Variants in ZNF652 observed in about 807,000 individuals in gnomAD.
ZNF652 encodes the protein zinc finger protein 652.
In ZNF652, 16 loss-of-function variants were observed where a neutral mutation model predicts 45.2. The ratio of observed to expected loss-of-function variants is 0.35; its 90% CI spans 0.24 to 0.54. The LOEUF is 0.54. Ranked by LOEUF, ZNF652 falls within the 20% of genes least tolerant of loss-of-function variation. ZNF652 has a pLI of 0.91. For synonymous variants in ZNF652, 250 were observed against 260.6 expected (o/e 0.96, Z 0.39); for missense variants, 614 against 765.6 (o/e 0.80, Z 2.34).
intron 1 of ZNF652, among the ~76,000 whole-genome samples, chr17:49,336,958 T>TG (rs2070091613): frequency 7.9e-6 from 1 of 126,972 alleles, no homozygotes; most frequent in Admixed American, 7.8e-5. Context: ...TTTTTTTTTT[T>TG]TTTTTTTAAG....
intron 5 of ZNF652, among the ~76,000 whole-genome samples, chr17:49,309,157 G>A (rs1240954429): frequency 6.6e-6 from 1 of 151,790 alleles, no homozygotes; most frequent in Non-Finnish European, 1.5e-5. Flanking sequence ...TATGTGCCAA[G>A]CAGTGTGTGT....
downstream of ZNF652, chr17:49,288,254 G>A (rs1002824182): frequency 3.3e-5 from 5 of 152,048 alleles, no homozygotes; most frequent in Admixed American, 6.6e-5. Context: ...TATATACTCA[G>A]GTGGGAGTGA....
intron 1 of ZNF652, among the ~76,000 whole-genome samples, chr17:49,335,215 A>G (rs2070067740): frequency 6.6e-6 from 1 of 152,226 alleles, no homozygotes; most frequent in African/African-American, 2.4e-5. Context: ...AAAATAAATT[A>G]TGATATTTTG....
At chr17:49,324,562 G>A (rs535645399) in intron 1 of ZNF652, among the ~76,000 whole-genome samples, 45 of 150,702 alleles carry the variant, frequency 3.0e-4, no homozygotes, top group African/African-American at 1.0e-3. Context: ...TGCTAATTGT[G>A]TATTTTTAGT....
intron 1 of ZNF652, among the ~76,000 whole-genome samples, chr17:49,351,388 T>C (rs1598317634): frequency 1.3e-5 from 2 of 152,010 alleles, no homozygotes; most frequent in Non-Finnish European, 2.9e-5. Context: ...AAAAAGTGTA[T>C]ACAAGAACAT....
At chr17:49,304,562 G>C (rs1470359422) in intron 5 of ZNF652, among the ~76,000 whole-genome samples, 1 of 152,142 alleles carries the variant, frequency 6.6e-6, no homozygotes, top group East Asian at 1.9e-4. Context: ...CTTTAAGGAA[G>C]AGCTGGTAAA....
rs76683527 is a variant in ZNF652 at position 49,321,093 on chromosome 17, C to A, written c.-258-3110G>T. On this transcript the variant is annotated intron_variant, in intron 1 of 5. Coordinates refer to ENST00000430262, the MANE Select transcript of ZNF652 (RefSeq NM_001145365.3). ...GGGCCCTGTGACTACTTCTGGTCAG[C>A]ATATTATGAGAAGTGACAGAGAGAG... 1.1e-4 allele frequency among the ~76,000 whole-genome samples: 16 copies of A among 152,290 alleles called. No individual in the cohort carries two copies. In the East Asian group the frequency reaches 2.9e-3, roughly 28 times the overall value.
chr17:49,313,973 CAAAAAAAAAAAAAAAAAAAAAAAAAAAAA>C (rs71144595), intron 2 of ZNF652, among the ~76,000 whole-genome samples: 2 of 22,866 alleles, frequency 8.7e-5, no homozygotes, highest in African/African-American at 3.8e-4. Context: ...AACTCCATCT[CAAAAAAAAAAAAAAAAAAAAAAAAAAAAA>C]AAAAAAAAAA....
chr17:49,360,835 T>A (rs551925295), intron 1 of ZNF652, among the ~76,000 whole-genome samples: 2 of 151,834 alleles, frequency 1.3e-5, no homozygotes, highest in South Asian at 4.2e-4. Flanking sequence ...TACAACAAAA[T>A]AGGAGAAACT....
rs1376671441 is a variant in ZNF652 at position 49,317,414 on chromosome 17, C to T, written c.312G>A (p.Glu104=). 3 of 1,614,014 alleles carry T rather than the reference C, an allele frequency of 1.9e-6. No homozygotes were observed. In the East Asian group the frequency reaches 6.7e-5, roughly 36 times the overall value. The change falls in exon 2 of 6, where the codon GAG becomes GAA. Residue 104 remains glutamate, a synonymous_variant. Coordinates refer to ENST00000430262, the MANE Select transcript of ZNF652 (RefSeq NM_001145365.3). Reference sequence around the variant, plus strand: ...TGTAAGAGACTTCTTCCTCTTCCTCCTCTGTGTCATCAGAATTCTCCCGGT... The same window carrying T: ...TGTAAGAGACTTCTTCCTCTTCCTCTTCTGTGTCATCAGAATTCTCCCGGT... ...KEDRENSDDT[E]EEEEEVSYKR... is the part of the protein sequence containing the mutation.
At chr17:49,341,517 A>T (rs2070146512) in intron 1 of ZNF652, among the ~76,000 whole-genome samples, 1 of 135,294 alleles carries the variant, frequency 7.4e-6, no homozygotes, top group South Asian at 2.3e-4. Flanking sequence ...AAAAAAAATT[A>T]GCCGGGTGTG....
At chr17:49,339,360 A>G (rs919435772) in intron 1 of ZNF652, among the ~76,000 whole-genome samples, 1 of 124,502 alleles carries the variant, frequency 8.0e-6, no homozygotes, top group Non-Finnish European at 1.7e-5. Flanking sequence ...AATGCCCCCC[A>G]TGTTATTTCA....
intron 2 of ZNF652, among the ~76,000 whole-genome samples, chr17:49,313,049 G>A (rs1181682673): frequency 6.6e-6 from 1 of 152,188 alleles, no homozygotes; most frequent in Non-Finnish European, 1.5e-5. Context: ...CTCTTTGGGA[G>A]TATGAAAACA....
Position 49,317,193 on chromosome 17 carries a change from T to G in ZNF652, c.533A>C (p.Lys178Thr). The G allele has an allele frequency of 6.2e-7, 1 of 1,613,658 alleles. No individual in the cohort carries two copies. The highest frequency in any genetic ancestry group is 1.1e-5 in the South Asian group (1 of 91,080). Residue 178 changes from lysine (K) to threonine (T), a missense_variant, in exon 2 of 6, where the codon AAG (lysine) becomes ACG (threonine). Lys to Thr is a moderately conservative substitution (Grantham distance 78, BLOSUM62 -1). Around this residue, in one of 5 missense-constraint regions of ZNF652, gnomAD observed 262 missense variants for 306.3 expected, o/e 0.86. Transcript: ENST00000430262. Reference sequence around the variant, plus strand: ...GCTGACTTTCTCTACTATCTTCTCCTTTTTCTTCTGCTTTTCATTCTCTCC... The same window carrying G: ...GCTGACTTTCTCTACTATCTTCTCCGTTTTCTTCTGCTTTTCATTCTCTCC... Reference protein sequence around the residue: ...DYGENEKQKKKEKIVEKVSVT... With the variant: ...DYGENEKQKKTEKIVEKVSVT...
chr17:49,314,146 C>A (rs948625853), intron 2 of ZNF652, among the ~76,000 whole-genome samples: 1 of 151,848 alleles, frequency 6.6e-6, no homozygotes, highest in African/African-American at 2.4e-5. Context: ...TAGTATTACT[C>A]TCTCTCCTTT....
intron 1 of ZNF652, among the ~76,000 whole-genome samples, chr17:49,327,396 C>T (rs1425708837): frequency 6.6e-6 from 1 of 151,872 alleles, no homozygotes; most frequent in Non-Finnish European, 1.5e-5. Context: ...CTCCTGACCT[C>T]GTGAGCCGCT....
chr17:49,329,665 GT>G (rs1161388924), intron 1 of ZNF652, among the ~76,000 whole-genome samples: 6 of 152,196 alleles, frequency 3.9e-5, no homozygotes, highest in African/African-American at 1.4e-4. Flanking sequence ...AGAAATGCTT[GT>G]CACCTTCAGT....
intron 1 of ZNF652, among the ~76,000 whole-genome samples, chr17:49,334,017 G>A (rs1409433134): frequency 6.6e-6 from 1 of 152,016 alleles, no homozygotes; most frequent in Non-Finnish European, 1.5e-5. Flanking sequence ...AGCAATTCCA[G>A]TTCCAGGCAT....
intron 1 of ZNF652, among the ~76,000 whole-genome samples, chr17:49,323,514 T>C (rs757738909): frequency 6.6e-6 from 1 of 152,238 alleles, no homozygotes; most frequent in Non-Finnish European, 1.5e-5. Context: ...ATGTTCTTAA[T>C]GGCATCTAGA....
Sources: allele counts gnomAD v4.1 joint callset (sites outside exome capture counted in the v4.1 genomes callset), GRCh38; gene constraint gnomAD v4.1.1; regional missense constraint gnomAD v4.1.1; transcripts MANE v1.5; gene names NCBI Gene and HGNC (gene_info 2026-07-23, HGNC 2026-07-21).